Variants in BNC2 observed in about 807,000 individuals in gnomAD.
The protein encoded by BNC2 is zinc finger protein basonuclin-2.
BNC2 carries 20 observed loss-of-function variants against 76.3 expected under a neutral mutation model. The ratio of observed to expected loss-of-function variants is 0.26; its 90% CI spans 0.18 to 0.38. The LOEUF (loss-of-function observed/expected upper bound fraction) is 0.38, where lower values mean the gene tolerates loss of function less well. BNC2 is among the 10% of genes least tolerant of loss of function. The pLI is 1.00. For missense variants in BNC2, 1,382 were observed against 1,399.8 expected (o/e 0.99, Z 0.20); for synonymous variants, 582 against 514.8 (o/e 1.13, Z -1.77).
intron 5 of BNC2, among the ~76,000 whole-genome samples, chr9:16,522,871 T>G (rs1817661788): frequency 6.6e-6 from 1 of 152,126 alleles, no homozygotes; most frequent in South Asian, 2.1e-4. Flanking sequence ...CCACTCTGTT[T>G]TAACCCCCAG....
intron 3 of BNC2, among the ~76,000 whole-genome samples, chr9:16,703,705 G>A (rs1823580302): frequency 6.6e-6 from 1 of 152,072 alleles, no homozygotes; most frequent in Non-Finnish European, 1.5e-5. Context: ...TGTTTTATAA[G>A]ATATATATAA....
In BNC2 at chr9:16,574,126, G is replaced by T. The variant is rs571952486; in HGVS notation, c.433+8857C>A. On this transcript the variant is annotated intron_variant, in intron 4 of 6. Coordinates refer to ENST00000380672, the MANE Select transcript of BNC2 (RefSeq NM_017637.6). ...GTTTATCCTGAGTAAAAGGAGAGGA[G>T]TTGAGTGTGTTTCATTTATAAACCC... Among the ~76,000 whole-genome samples, 21 of 152,288 alleles carry T rather than the reference G, an allele frequency of 1.4e-4. No homozygotes were observed. The East Asian group carries it at 3.1e-3, about 22-fold the overall frequency.
At chr9:16,814,547 T>A (rs1178579476) in intron 1 of BNC2, among the ~76,000 whole-genome samples, 1 of 152,182 alleles carries the variant, frequency 6.6e-6, no homozygotes, top group Non-Finnish European at 1.5e-5. Flanking sequence ...CAGAAATGCA[T>A]GCAAACCCAA....
At position 16,415,446 on chromosome 9, in the gene BNC2, T is replaced by C. The variant is rs1325055377; in HGVS notation, c.*3543A>G. The C allele has an allele frequency of 1.3e-5, 2 of 152,600 alleles. No homozygotes were observed. The highest frequency in any genetic ancestry group is 2.9e-5 in the Non-Finnish European group (2 of 68,028). 9.5% of individuals were successfully genotyped at this position (152,600 alleles called of 1,614,324 possible). A position where few individuals can be genotyped will look rare whatever the true frequency, so the allele number is the denominator to read the frequency against. ...TAAACTCTGGCTAAAACCAATCACA[T>C]GGGGAAAAGCTTGTCGGATGAACAT... On this transcript the variant is annotated 3_prime_UTR_variant, in exon 7 of 7. Transcript: ENST00000380672.
In BNC2 at chr9:16,773,500, G is replaced by A. The variant is rs567290978; in HGVS notation, c.4-35015C>T. ...TGCTGACAAGAAAAGAGGACTACAC[G>A]TCATGCAATCAGAAAAAAAAAAAAA... is the stretch of plus-strand genomic sequence containing the variant. On this transcript the variant is annotated intron_variant, in intron 1 of 6. Transcript: ENST00000380672. Among the ~76,000 whole-genome samples, 27 of 132,746 alleles carry A rather than the reference G, an allele frequency of 2.0e-4. No homozygotes were observed. The East Asian group carries it at 3.7e-3, about 18-fold the overall frequency. 87.1% of individuals were successfully genotyped at this position (132,746 alleles called of 152,430 possible). A position where few individuals can be genotyped will look rare whatever the true frequency, so the allele number is the denominator to read the frequency against.
chr9:16,599,517 C>T (rs1280375849), intron 3 of BNC2, among the ~76,000 whole-genome samples: 1 of 152,200 alleles, frequency 6.6e-6, no homozygotes, highest in Non-Finnish European at 1.5e-5. Flanking sequence ...GGCGCAGTGG[C>T]TCACGCCTGT....
At chr9:16,541,776 T>C (rs768434730) in intron 5 of BNC2, among the ~76,000 whole-genome samples, 8 of 152,124 alleles carry the variant, frequency 5.3e-5, no homozygotes, top group Non-Finnish European at 7.4e-5. Flanking sequence ...TATGGGATAC[T>C]CTATTGTCAG....
chr9:16,488,103 C>T (rs978575405), intron 5 of BNC2, among the ~76,000 whole-genome samples: 5 of 152,132 alleles, frequency 3.3e-5, no homozygotes, highest in African/African-American at 1.2e-4. Flanking sequence ...AAAAAGGCAC[C>T]GTTTCCCCTC....
intron 3 of BNC2, among the ~76,000 whole-genome samples, chr9:16,596,017 T>C (rs746055967): frequency 6.6e-6 from 1 of 152,060 alleles, no homozygotes; most frequent in Non-Finnish European, 1.5e-5. Context: ...ATATGGTCCA[T>C]TGGGTCAATA....
chr9:16,834,129 A>G (rs1320928490), intron 1 of BNC2, among the ~76,000 whole-genome samples: 1 of 152,158 alleles, frequency 6.6e-6, no homozygotes, highest in Non-Finnish European at 1.5e-5. Flanking sequence ...GATTCTGAGT[A>G]ATATTCTATC....
intron 3 of BNC2, among the ~76,000 whole-genome samples, chr9:16,707,159 G>A (rs988649685): frequency 2.0e-5 from 3 of 151,366 alleles, no homozygotes; most frequent in South Asian, 2.1e-4. Context: ...CTGAGATCGC[G>A]CCACTGCACT....
intron 3 of BNC2, chr9:16,664,989 A>C (rs1440679691): frequency 2.2e-6 from 1 of 452,396 alleles, no homozygotes; most frequent in Non-Finnish European, 4.4e-6. Flanking sequence ...TCATGGCAGA[A>C]GCAGGGAAGT....
intron 1 of BNC2, among the ~76,000 whole-genome samples, chr9:16,836,010 G>A (rs1364299965): frequency 6.6e-6 from 1 of 152,074 alleles, no homozygotes; most frequent in East Asian, 1.9e-4. Flanking sequence ...CACTCAGCAG[G>A]CTGCAGTACA....
At chr9:16,654,459 C>T (rs1453438529) in intron 3 of BNC2, among the ~76,000 whole-genome samples, 5 of 152,072 alleles carry the variant, frequency 3.3e-5, no homozygotes, top group Non-Finnish European at 7.4e-5. Context: ...AAAATATTTG[C>T]GCATGCAGGT....
At chr9:16,799,853 A>C (rs961956867) in intron 1 of BNC2, among the ~76,000 whole-genome samples, 3 of 152,120 alleles carry the variant, frequency 2.0e-5, no homozygotes, top group Non-Finnish European at 2.9e-5. Flanking sequence ...TACCTTCCAA[A>C]ATCCTATTTT....
chr9:16,433,886 T>TA (rs1181657831), intron 6 of BNC2, among the ~76,000 whole-genome samples: 1 of 152,168 alleles, frequency 6.6e-6, no homozygotes, highest in African/African-American at 2.4e-5. Flanking sequence ...TATTTTTGTT[T>TA]AAAAAAATAC....
chr9:16,682,917 A>C (rs1822867556), intron 3 of BNC2, among the ~76,000 whole-genome samples: 1 of 152,214 alleles, frequency 6.6e-6, no homozygotes, highest in African/African-American at 2.4e-5. Flanking sequence ...GAGAGTCTAA[A>C]TTAGAATAAC....
intron 5 of BNC2, among the ~76,000 whole-genome samples, chr9:16,548,496 C>G (rs1328584382): frequency 6.6e-6 from 1 of 151,650 alleles, no homozygotes; most frequent in Non-Finnish European, 1.5e-5. Flanking sequence ...ACCTCTGCTT[C>G]CCGGGTTCAA....
intron 4 of BNC2, among the ~76,000 whole-genome samples, chr9:16,558,071 C>T (rs984746288): frequency 6.6e-6 from 1 of 152,178 alleles, no homozygotes; most frequent in Non-Finnish European, 1.5e-5. Context: ...TGGTCTCGAA[C>T]TTCTGGGCTC....
Sources: gnomAD v4.1 joint callset for allele counts (sites outside exome capture counted in the v4.1 genomes callset) on GRCh38, gnomAD v4.1.1 for gene constraint, MANE v1.5 for transcripts, NCBI Gene and HGNC (gene_info 2026-07-23, HGNC 2026-07-21) for gene names.